The following COL6A5 variants were observed in gnomAD, a reference collection of about 807,000 sequenced individuals.
The protein encoded by COL6A5 is collagen alpha-5(VI) chain.
In COL6A5, 48 loss-of-function variants were observed where a neutral mutation model predicts 65.6. The ratio of observed to expected loss-of-function variants is 0.73; its 90% CI spans 0.58 to 0.93. COL6A5 has a LOEUF of 0.93. COL6A5 is among the 40% of genes least tolerant of loss of function. The pLI is 0.00. For missense variants in COL6A5, 914 were observed against 928.3 expected, an observed-to-expected ratio of 0.98 and a Z score of 0.20; for synonymous variants, 291 against 322.8, an observed-to-expected ratio of 0.90 and a Z score of 1.05.
rs1047857327 is a variant in COL6A5, at chr3:130,395,255, C to T, written c.3358C>T (p.Arg1120Cys). 1.4e-5 allele frequency: 22 copies of T among 1,551,470 alleles called. No individual in the cohort carries two copies. In the East Asian group the frequency reaches 1.7e-4, roughly 12 times the overall value. ...GGTTGTTATCACATCTGGAGATCCT[C>T]GCTATGATGTGGCAGATGCAGTAAA... The change falls in exon 8 of 42, where the codon CGC (arginine) becomes TGC (cysteine). Residue 1120 changes from arginine (R) to cysteine (C), a missense_variant and NMD_transcript_variant. By Grantham distance (180) the Arg-to-Cys change is radical. Transcript: ENST00000312481.
chr3:130,432,696 C>T (rs1306780163), intron 1 of COL6A5, among the ~76,000 whole-genome samples: 3 of 152,142 alleles, frequency 2.0e-5, no homozygotes, highest in Admixed American at 6.5e-5. Flanking sequence ...CTCTACTGCT[C>T]TGGTGTTTCT....
chr3:130,440,178 C>A, exon 3 of COL6A5: 1 of 1,610,282 alleles, frequency 6.2e-7, no homozygotes, highest in Non-Finnish European at 8.5e-7. Flanking sequence ...AAATGTTTTC[C>A]AAATGCTTGC....
At chr3:130,423,460 A>C (rs1040012551) in intron 28 of COL6A5, among the ~76,000 whole-genome samples, 1 of 152,118 alleles carries the variant, frequency 6.6e-6, no homozygotes, top group Non-Finnish European at 1.5e-5. Context: ...TAGCCCACTC[A>C]TGTCCTCTTA....
At chr3:130,439,989 C>G (rs1709135149) in intron 2 of COL6A5, among the ~76,000 whole-genome samples, 177 bp from the exon 35 acceptor site, 1 of 152,062 alleles carries the variant, frequency 6.6e-6, no homozygotes, top group African/African-American at 2.4e-5. Context: ...TCTGCTAGTG[C>G]CCGGAGAAGT....
In COL6A5 at chr3:130,471,068, G is replaced by A. The variant is rs1052689402; in HGVS notation, c.2328+101G>A. ...ATTTTAGTTTTCAAGATCCAAGTGT[G>A]TGTTTTTGTGTGTGTGTGTGTGTGT... On this transcript the variant is annotated intron_variant, in intron 7 of 7. Transcript: ENST00000512836. 37 of 777,114 alleles carry A rather than the reference G, an allele frequency of 4.8e-5. No homozygotes were observed. In the African/African-American group the frequency reaches 6.4e-4, roughly 13 times the overall value. 48.1% of individuals were successfully genotyped at this position (777,114 alleles called of 1,614,324 possible).
intron 3 of COL6A5, among the ~76,000 whole-genome samples, 151 bp downstream of exon 3, chr3:130,376,987 T>G (rs993426238): frequency 6.6e-6 from 1 of 152,164 alleles, no homozygotes; most frequent in Non-Finnish European, 1.5e-5. Flanking sequence ...GCTTCTGCCT[T>G]TGCTTGTGCC....
At chr3:130,449,293 C>T (rs1427239451) in intron 4 of COL6A5, among the ~76,000 whole-genome samples, 3 of 152,128 alleles carry the variant, frequency 2.0e-5, no homozygotes, top group South Asian at 2.1e-4. Context: ...TCCCTTCATG[C>T]TTTGGACTGA....
At chr3:130,461,058 T>C (rs1254213888) in intron 5 of COL6A5, among the ~76,000 whole-genome samples, 4 of 152,058 alleles carry the variant, frequency 2.6e-5, no homozygotes, top group Non-Finnish European at 5.9e-5. Context: ...TCAGACATTC[T>C]TTCATATAAC....
At chr3:130,451,927 C>T (rs1028104148) in intron 4 of COL6A5, among the ~76,000 whole-genome samples, 7 of 152,074 alleles carry the variant, frequency 4.6e-5, no homozygotes, top group African/African-American at 1.2e-4. Flanking sequence ...CAAACAGTGA[C>T]GGGAATATAA....
At chr3:130,450,933 G>A (rs1322608159) in intron 4 of COL6A5, among the ~76,000 whole-genome samples, 1 of 152,118 alleles carries the variant, frequency 6.6e-6, no homozygotes, top group Non-Finnish European at 1.5e-5. Flanking sequence ...CGATTTAGCT[G>A]AGCCTGCAAA....
At chr3:130,479,433 A>AAACAAAAAC in intron 7 of COL6A5, among the ~76,000 whole-genome samples, 1 of 150,092 alleles carries the variant, frequency 6.7e-6, no homozygotes, top group African/African-American at 2.4e-5. Flanking sequence ...ACAAAAACAA[A>AAACAAAAAC]AACAAACAAC....
At chr3:130,414,000 G>T (rs1937263172) in intron 21 of COL6A5, 69 bp from the exon 22 acceptor site, 4 of 1,151,274 alleles carry the variant, frequency 3.5e-6, no homozygotes, top group Non-Finnish European at 5.1e-6. Context: ...GATGTAAATA[G>T]TATGAAAAGA....
At chr3:130,403,445 G>T (rs1008550094) in intron 12 of COL6A5, among the ~76,000 whole-genome samples, 164 bp from the exon 13 acceptor site, 6 of 152,148 alleles carry the variant, frequency 3.9e-5, no homozygotes, top group African/African-American at 1.4e-4. Flanking sequence ...AAGGACAAAA[G>T]CTAGCTCCAG....
intron 7 of COL6A5, among the ~76,000 whole-genome samples, chr3:130,393,547 C>A (rs1478051219): frequency 1.3e-5 from 2 of 152,180 alleles, no homozygotes; most frequent in African/African-American, 4.8e-5. Flanking sequence ...CAGTCTTTTC[C>A]TATGAATGTG....
intron 7 of COL6A5, 69 bp from the exon 41 acceptor site, chr3:130,483,966 A>G: frequency 7.2e-7 from 1 of 1,381,400 alleles, no homozygotes; most frequent in Non-Finnish European, 1.0e-6. Flanking sequence ...ATAAAGGAGT[A>G]GGCCCTGGAG....
At chr3:130,419,735 G>T (rs1937470624) in intron 25 of COL6A5, among the ~76,000 whole-genome samples, 1 of 152,084 alleles carries the variant, frequency 6.6e-6, no homozygotes, top group South Asian at 2.1e-4. Context: ...TAGAAACAGA[G>T]AATTAAAATG....
chr3:130,479,850 A>G (rs1710192747), intron 7 of COL6A5, among the ~76,000 whole-genome samples: 1 of 152,236 alleles, frequency 6.6e-6, no homozygotes, highest in Non-Finnish European at 1.5e-5. Context: ...GCCTCTCAGT[A>G]AAAGAGTAAC....
In COL6A5 at chr3:130,418,778, TTGA is replaced by T. The variant is rs1024775138; in HGVS notation, c.4888-90_4888-88del. On this transcript the variant is annotated intron_variant and NMD_transcript_variant, in intron 24 of 41. Coordinates refer to the COL6A5 transcript ENST00000312481. ...GAGCACTGACCCCTCACTGAGAACC[TTGA>T]GTCTCCTCATCGAGTGGACAGAACT... 10 of 987,222 alleles carry T rather than the reference TTGA, an allele frequency of 1.0e-5. No individual in the cohort carries two copies. The Admixed American group carries it at 2.0e-4, about 20-fold the overall frequency. The allele number at this position is 987,222 out of a possible 1,614,324, so 61.2% of individuals were successfully genotyped here.
At chr3:130,394,859 G>A (rs1340722934) in intron 7 of COL6A5, 31 bp from the exon 8 acceptor site, 1 of 1,499,990 alleles carries the variant, frequency 6.7e-7, no homozygotes, top group African/African-American at 1.4e-5. Flanking sequence ...TGATTCATGA[G>A]GAAAATAATT....
Sources: gnomAD v4.1 joint callset for allele counts (sites outside exome capture counted in the v4.1 genomes callset) on GRCh38, gnomAD v4.1.1 for gene constraint, MANE v1.5 for transcripts, NCBI Gene and HGNC (gene_info 2026-07-23, HGNC 2026-07-21) for gene names.